Variants in NEIL3 observed in about 807,000 individuals in gnomAD.
The protein encoded by NEIL3 is nei like DNA glycosylase 3, also known as endonuclease 8-like 3.
Under a neutral mutation model 57.5 loss-of-function variants are expected in NEIL3, and 48 were observed. That is an observed-to-expected ratio of 0.83 (90% CI 0.66 to 1.06). NEIL3 has a LOEUF of 1.06. NEIL3 is among the 50% of genes least tolerant of loss of function. The pLI, the probability that NEIL3 is intolerant of heterozygous loss-of-function variation, is 0.00. For missense variants in NEIL3, 717 were observed against 739.1 expected (o/e 0.97, Z 0.35); for synonymous variants, 261 against 253.2 (o/e 1.03, Z -0.29).
chr4:177,310,014 G>C lies in NEIL3; in HGVS notation c.61G>C (p.Gly21Arg), dbSNP rs775521291. 6.2e-7 allele frequency: 1 copy of C among 1,610,710 alleles called. No individual in the cohort carries two copies. The highest frequency in any genetic ancestry group is 1.1e-5 in the South Asian group (1 of 90,748). ...GEKIRARVLPGQAVTGVRGSA... is the reference protein window; with the variant it reads ...GEKIRARVLPRQAVTGVRGSA... ...GAAGATTCGCGCGCGGGTGCTCCCG[G>C]GCCAGGCGGTGACCGGCGTGCGGGG... Residue 21 changes from glycine to arginine, a missense_variant, in exon 1 of 10, where the codon GGC becomes CGC. Transcript: ENST00000264596.
intron 8 of NEIL3, 37 bp downstream of exon 8, chr4:177,353,765 CTTTTTTT>C: frequency 8.2e-7 from 1 of 1,214,652 alleles, no homozygotes; most frequent in Non-Finnish European, 1.1e-6. Flanking sequence ...AAGATAATTG[CTTTTTTT>C]TTTTTTTTTT....
At chr4:177,310,161 A>G in intron 1 of NEIL3, 52 bp downstream of exon 1, 4 of 1,469,444 alleles carry the variant, frequency 2.7e-6, no homozygotes, top group South Asian at 1.4e-5. Flanking sequence ...AAATGGAATA[A>G]AGACCCCATC....
rs762225312 is a variant in NEIL3 at position 177,322,551 on chromosome 4, C to G, written c.249C>G (p.Leu83=). 1.2e-6 allele frequency: 2 copies of G among 1,613,874 alleles called. No homozygotes were observed. The part of the protein sequence containing the change: ...YSGVETLGKE[L]FMYFGPKALR... Reference sequence around the variant, plus strand: ...GCGTGGAAACTTTGGGGAAGGAGCTCTTTATGTACTTTGGACCAAAAGCTT... The same window carrying G: ...GCGTGGAAACTTTGGGGAAGGAGCTGTTTATGTACTTTGGACCAAAAGCTT... Residue 83 remains leucine (L), a synonymous_variant, in exon 2 of 10, where the codon CTC becomes CTG. Coordinates refer to ENST00000264596, the MANE Select transcript of NEIL3 (RefSeq NM_018248.3).
At chr4:177,348,500 T>C (rs1339844212) in intron 6 of NEIL3, among the ~76,000 whole-genome samples, 1 of 152,098 alleles carries the variant, frequency 6.6e-6, no homozygotes, top group Non-Finnish European at 1.5e-5. Flanking sequence ...AGGGCAATAG[T>C]TTCCCTGGGC....
At chr4:177,352,267 C>A (rs1735370980) in intron 7 of NEIL3, among the ~76,000 whole-genome samples, 1 of 152,234 alleles carries the variant, frequency 6.6e-6, no homozygotes, top group Admixed American at 6.5e-5. Flanking sequence ...GAAAGGCAGA[C>A]ATCACCCCTT....
rs777392555 is a variant in NEIL3 at position 177,341,617 on chromosome 4, G to GA, written c.848dup (p.Asn283LysfsTer6). On this transcript the variant is annotated frameshift_variant, in exon 6 of 10. Transcript: ENST00000264596. LOFTEE classifies it high-confidence loss of function. ...ATATTTCTGTCCTCACTGTCAAAAAGAAAATCCTCAACATGTTGACATATG... is the reference window on the plus strand; with the variant it reads ...ATATTTCTGTCCTCACTGTCAAAAAGAAAAATCCTCAACATGTTGACATATG... 3 of 1,613,208 alleles carry GA rather than the reference G, an allele frequency of 1.9e-6. No individual in the cohort carries two copies. Among genetic ancestry groups the GA allele is most frequent in the Non-Finnish European group, 1.7e-6 (2 of 1,179,770 alleles).
rs1207381940 is a variant in NEIL3, at chr4:177,310,328, G to A, written c.156+219G>A. Among the ~76,000 whole-genome samples the A allele has an allele frequency of 2.0e-5, 3 of 152,212 alleles. No homozygotes were observed. In the East Asian group the frequency reaches 5.8e-4, roughly 29 times the overall value. ...GCTAGCGTTCTGGGCTCACGCTGCC[G>A]GAGCAAGATGCCCTAGGGGAATCCA... On this transcript the variant is annotated intron_variant, in intron 1 of 9. Coordinates refer to ENST00000264596, the MANE Select transcript of NEIL3 (RefSeq NM_018248.3).
intron 8 of NEIL3, chr4:177,357,023 CT>C (rs1735487065): frequency 6.6e-6 from 1 of 152,198 alleles, no homozygotes. Context: ...TGTTGAAGAT[CT>C]GTCTTTAATC....
chr4:177,322,598 G>C lies in NEIL3; in HGVS notation c.278+18G>C, dbSNP rs376987329. 1.9e-6 allele frequency: 3 copies of C among 1,613,420 alleles called. No individual in the cohort carries two copies. The highest frequency in any genetic ancestry group is 1.1e-5 in the South Asian group (1 of 91,048). ...GCTTTACGGTAAGATAAGCCTGTAC[G>C]ATACATCTTATCTCTCTATATTTAA... On this transcript the variant is annotated intron_variant, in intron 2 of 9. Transcript: ENST00000264596.
chr4:177,315,114 G>A (rs1734551072), intron 1 of NEIL3, among the ~76,000 whole-genome samples: 1 of 151,290 alleles, frequency 6.6e-6, no homozygotes, highest in Non-Finnish European at 1.5e-5. Context: ...GGGGGGAAAA[G>A]TGTGTGAGGA....
intron 2 of NEIL3, among the ~76,000 whole-genome samples, chr4:177,328,904 ATGT>A (rs201581350): frequency 0.019 from 2,926 of 152,282 alleles, 40 homozygotes; most frequent in South Asian, 0.048. Flanking sequence ...TGGTACACTA[ATGT>A]TGTTGCAATA....
intron 8 of NEIL3, among the ~76,000 whole-genome samples, chr4:177,360,146 T>A (rs900768826): frequency 6.6e-6 from 1 of 152,114 alleles, no homozygotes; most frequent in African/African-American, 2.4e-5. Flanking sequence ...AACCTGGACT[T>A]GAGAATATTT....
At chr4:177,335,638 G>C in intron 2 of NEIL3, 50 bp from the exon 3 acceptor site, 2 of 1,564,194 alleles carry the variant, frequency 1.3e-6, no homozygotes, top group African/African-American at 2.7e-5. Flanking sequence ...AAAAAAGCTT[G>C]ATAAATGATA....
downstream of NEIL3, among the ~76,000 whole-genome samples, chr4:177,366,799 G>A (rs1034701684): frequency 8.5e-5 from 13 of 152,184 alleles, no homozygotes; most frequent in Non-Finnish European, 1.8e-4. Context: ...AAGGAACATA[G>A]CCCAGATCCC....
chr4:177,360,731 T>C, intron 9 of NEIL3, 54 bp downstream of exon 9: 3 of 1,363,832 alleles, frequency 2.2e-6, no homozygotes, highest in Non-Finnish European at 3.0e-6. Flanking sequence ...CTTTGGTTAT[T>C]AATGTATAAC....
intron 6 of NEIL3, among the ~76,000 whole-genome samples, chr4:177,347,852 A>ACCAC (rs956866343): frequency 3.3e-5 from 5 of 152,220 alleles, no homozygotes; most frequent in Non-Finnish European, 7.3e-5. Context: ...TTTTTTAAAC[A>ACCAC]CCACAAACAT....
chr4:177,314,600 G>T (rs2111109565), intron 1 of NEIL3, among the ~76,000 whole-genome samples: 1 of 152,190 alleles, frequency 6.6e-6, no homozygotes, highest in East Asian at 1.9e-4. Flanking sequence ...TAATCATTTG[G>T]TGCCTTCAGA....
chr4:177,365,167 G>A (rs910401509), downstream of NEIL3, among the ~76,000 whole-genome samples: 1 of 152,108 alleles, frequency 6.6e-6, no homozygotes, highest in Admixed American at 6.6e-5. Context: ...ACATGTCTGC[G>A]TGAGTTTTCC....
downstream of NEIL3, among the ~76,000 whole-genome samples, chr4:177,367,889 C>T (rs1735711290): frequency 6.6e-6 from 1 of 152,184 alleles, no homozygotes; most frequent in Non-Finnish European, 1.5e-5. Flanking sequence ...CTCTTGACCA[C>T]TCTGTGTAAT....
Sources: gnomAD v4.1 joint callset for allele counts (sites outside exome capture counted in the v4.1 genomes callset) on GRCh38, gnomAD v4.1.1 for gene constraint, MANE v1.5 for transcripts, NCBI Gene and HGNC (gene_info 2026-07-23, HGNC 2026-07-21) for gene names.